Variants in TRIP12 observed in about 807,000 individuals in gnomAD.
TRIP12 encodes the protein E3 ubiquitin-protein ligase TRIP12.
TRIP12 carries 25 observed loss-of-function variants against 244.2 expected under a neutral mutation model. That is an observed-to-expected ratio of 0.10 (90% CI 0.07 to 0.14). The LOEUF (loss-of-function observed/expected upper bound fraction) is 0.14, where lower values mean the gene tolerates loss of function less well. Ranked by LOEUF, TRIP12 falls within the 10% of genes least tolerant of loss-of-function variation. The probability of loss-of-function intolerance (pLI) is 1.00; values close to 1 mark genes in which losing one functional copy is unlikely to be tolerated. For missense variants in TRIP12, 1,677 were observed against 2,486.4 expected, an observed-to-expected ratio of 0.67 and a Z score of 6.92; for synonymous variants, 905 against 873.1, an observed-to-expected ratio of 1.04 and a Z score of -0.64.
intron 25 of TRIP12, among the ~76,000 whole-genome samples, chr2:229,796,255 A>G (rs919581207): frequency 6.6e-6 from 1 of 152,250 alleles, no homozygotes; most frequent in Non-Finnish European, 1.5e-5. Flanking sequence ...CACTAAAAGG[A>G]ACTAATACAA....
chr2:229,865,582 G>T (rs2061393834), intron 2 of TRIP12, among the ~76,000 whole-genome samples: 1 of 151,754 alleles, frequency 6.6e-6, no homozygotes, highest in Non-Finnish European at 1.5e-5. Flanking sequence ...AAATATAAAT[G>T]GATTGTGGGT....
At chr2:229,787,372 A>C (rs2040371561) in intron 33 of TRIP12, 133 bp downstream of exon 33, 3 of 871,322 alleles carry the variant, frequency 3.4e-6, no homozygotes, top group African/African-American at 1.7e-5. Context: ...AAGAGACTGA[A>C]AGGAAAATAG....
intron 36 of TRIP12, 31 bp from the exon 37 acceptor site, chr2:229,777,510 G>A (rs776840704): frequency 4.7e-5 from 76 of 1,610,112 alleles, no homozygotes; most frequent in Non-Finnish European, 6.1e-5. Flanking sequence ...TATTTTCACT[G>A]TCACACTGAA....
intron 1 of TRIP12, among the ~76,000 whole-genome samples, chr2:229,921,068 T>C (rs1038606814): frequency 1.4e-5 from 2 of 139,582 alleles, no homozygotes; most frequent in African/African-American, 2.6e-5. Context: ...CCAATTTCCA[T>C]TCTGATCTAT....
At chr2:229,864,722 T>C (rs2061201131) in intron 2 of TRIP12, among the ~76,000 whole-genome samples, 1 of 152,198 alleles carries the variant, frequency 6.6e-6, no homozygotes, top group African/African-American at 2.4e-5. Flanking sequence ...TATTTCTCTA[T>C]TTACCAAGTG....
intron 1 of TRIP12, among the ~76,000 whole-genome samples, chr2:229,891,131 T>C (rs747845288): frequency 1.3e-5 from 2 of 152,104 alleles, no homozygotes; most frequent in Admixed American, 6.5e-5. Flanking sequence ...TATTTAAAAA[T>C]TAGCTGGGGC....
At chr2:229,858,189 C>A (rs2059928011) in intron 4 of TRIP12, among the ~76,000 whole-genome samples, 1 of 152,038 alleles carries the variant, frequency 6.6e-6, no homozygotes, top group South Asian at 2.1e-4. Flanking sequence ...CACAGTGAAA[C>A]CCCATCTCTA....
chr2:229,860,643 A>C (rs1484338656), intron 2 of TRIP12, 112 bp from the exon 3 acceptor site: 6 of 996,108 alleles, frequency 6.0e-6, no homozygotes, highest in Non-Finnish European at 8.1e-6. Context: ...TTCATTGTTG[A>C]CCCTACCCTT....
At chr2:229,879,016 G>A (rs551082034) in intron 2 of TRIP12, among the ~76,000 whole-genome samples, 1 of 151,898 alleles carries the variant, frequency 6.6e-6, no homozygotes, top group South Asian at 2.1e-4. Context: ...ACTTTGGGAG[G>A]CCGAGGCGGG....
chr2:229,883,906 C>T (rs536946151), intron 1 of TRIP12, among the ~76,000 whole-genome samples: 5 of 152,114 alleles, frequency 3.3e-5, no homozygotes, highest in African/African-American at 1.2e-4. Flanking sequence ...GTCATGAGTT[C>T]GAGACCACCC....
chr2:229,793,079 T>C lies in TRIP12; in HGVS notation c.4035A>G (p.Leu1345=). 6.2e-7 allele frequency: 1 copy of C among 1,613,930 alleles called. No homozygotes were observed. Among genetic ancestry groups the C allele is most frequent in the Non-Finnish European group, 8.5e-7 (1 of 1,179,880 alleles). Residue 1345 remains leucine, a synonymous_variant, in exon 27 of 42, where the codon TTA becomes TTG. Transcript: ENST00000675903. ...FFNTHQLKCQ[L]QRHPDCANVK... is the part of the protein sequence containing the mutation. ...CATTTGCACAGTCTGGATGCCTTTGTAACTGGCATTTTAATTGATGTGTGT... is the reference window on the plus strand; with the variant it reads ...CATTTGCACAGTCTGGATGCCTTTGCAACTGGCATTTTAATTGATGTGTGT...
rs542563224 is a variant in TRIP12 at position 229,850,662 on chromosome 2, T to C, written c.1027+8110A>G. 5.3e-5 allele frequency among the ~76,000 whole-genome samples: 8 copies of C among 152,320 alleles called. No homozygotes were observed. The South Asian group carries it at 1.7e-3, about 32-fold the overall frequency. On this transcript the variant is annotated intron_variant, in intron 4 of 41. Transcript: ENST00000675903. ...CCCACCGCTGCAATGTGGGAGCCCC[T>C]TTCTGGGCTGGCCAAGGCCAGAGCC...
intron 4 of TRIP12, among the ~76,000 whole-genome samples, chr2:229,858,014 T>C (rs2059898179): frequency 6.6e-6 from 1 of 152,192 alleles, no homozygotes. Context: ...CATTGAGGTA[T>C]ATTTATAGTA....
At chr2:229,907,811 T>C (rs2073242923) in intron 1 of TRIP12, among the ~76,000 whole-genome samples, 1 of 151,910 alleles carries the variant, frequency 6.6e-6, no homozygotes. Flanking sequence ...TAGAAAAAAA[T>C]AACAAATTAA....
intron 4 of TRIP12, 131 bp from the exon 5 acceptor site, chr2:229,841,058 T>C: frequency 3.1e-6 from 2 of 650,782 alleles, no homozygotes; most frequent in South Asian, 2.1e-5. Flanking sequence ...GCAGTATTAC[T>C]AGCTTTATTT....
rs1374389830 is a variant in TRIP12, at chr2:229,796,693, A to C, written c.3714T>G (p.Phe1238Leu). 1 of 1,612,822 alleles carries C rather than the reference A, an allele frequency of 6.2e-7. No homozygotes were observed. Residue 1238 changes from phenylalanine (F) to leucine (L), a missense_variant, in exon 25 of 42, where the codon TTT becomes TTG. By Grantham distance (22) the Phe-to-Leu change is conservative. Coordinates refer to ENST00000675903, the MANE Select transcript of TRIP12 (RefSeq NM_001348323.3). ...TCAAATAAAGCAACAGCTGCTTCAC[A>C]AATCCACTATGTTGGATTTCAAATG... The part of the protein sequence containing the change: ...VSSFEIQHSG[F>L]VKQLLLYLTS...
chr2:229,801,909 T>C (rs2044464848), intron 21 of TRIP12, among the ~76,000 whole-genome samples: 1 of 152,168 alleles, frequency 6.6e-6, no homozygotes, highest in South Asian at 2.1e-4. Flanking sequence ...GCACAAAAAA[T>C]AGTCACAAGA....
chr2:229,810,974 G>A lies in TRIP12; in HGVS notation c.2127C>T (p.Pro709=), dbSNP rs977304410. 58 of 1,613,926 alleles carry A rather than the reference G, an allele frequency of 3.6e-5. No individual in the cohort carries two copies. Among genetic ancestry groups the A allele is most frequent in the Non-Finnish European group, 4.7e-5 (55 of 1,179,984 alleles). The change falls in exon 15 of 42, where the codon CCC becomes CCT. Residue 709 remains proline, a synonymous_variant. Transcript: ENST00000675903. ...TTATAAACATCCCAGAACTTAAAAT[G>A]GGTGGAGTCACTACCAACAGCTGTT... ...NVQQLLVVTP[P]ILSSGMFIMV... is the part of the protein sequence containing the mutation.
intron 34 of TRIP12, among the ~76,000 whole-genome samples, chr2:229,784,346 G>A (rs2039321916): frequency 6.6e-6 from 1 of 150,586 alleles, no homozygotes; most frequent in South Asian, 2.1e-4. Context: ...AATAGCCTAT[G>A]TCTGAAAGAA....
Sources: gnomAD v4.1 joint callset for allele counts (sites outside exome capture counted in the v4.1 genomes callset) on GRCh38, gnomAD v4.1.1 for gene constraint, MANE v1.5 for transcripts, NCBI Gene and HGNC (gene_info 2026-07-23, HGNC 2026-07-21) for gene names.